The following HLCS variants were observed in gnomAD, a reference collection of about 807,000 sequenced individuals.
HLCS encodes holocarboxylase synthetase.
HLCS carries 53 observed loss-of-function variants against 75.0 expected under a neutral mutation model. That is an observed-to-expected ratio of 0.71 (90% CI 0.57 to 0.89). HLCS has a LOEUF of 0.89. HLCS is among the 40% of genes least tolerant of loss of function. The pLI, the probability that HLCS is intolerant of heterozygous loss-of-function variation, is 0.00. For synonymous variants in HLCS, 431 were observed against 428.6 expected (o/e 1.01, Z -0.07); for missense variants, 966 against 1,074.0 (o/e 0.90, Z 1.41).
intron 5 of HLCS, among the ~76,000 whole-genome samples, chr21:36,911,485 C>T (rs2065705428): frequency 6.6e-6 from 1 of 152,130 alleles, no homozygotes; most frequent in Admixed American, 6.5e-5. Context: ...TGGCTCATGC[C>T]CGTAATCTCA....
intron 1 of HLCS, among the ~76,000 whole-genome samples, chr21:36,987,341 A>G (rs73196100): frequency 0.26 from 39,640 of 152,198 alleles, 5,307 homozygotes; most frequent in South Asian, 0.35. Context: ...GGACAGGCGC[A>G]GTGGCTCACT....
chr21:36,968,120 G>A (rs1219573102), upstream of HLCS, among the ~76,000 whole-genome samples: 1 of 152,128 alleles, frequency 6.6e-6, no homozygotes, highest in Non-Finnish European at 1.5e-5. Flanking sequence ...CTGAGCTGAA[G>A]TGATCTTCCT....
intron 2 of HLCS, 131 bp from the exon 3 acceptor site, chr21:36,939,125 T>C (rs2067025767): frequency 1.5e-5 from 12 of 778,288 alleles, no homozygotes; most frequent in Non-Finnish European, 2.4e-5. Flanking sequence ...AACAAATTAC[T>C]GGATATTACA....
chr21:36,834,294 CCTT>C (rs2062325043), intron 6 of HLCS, among the ~76,000 whole-genome samples: 1 of 152,212 alleles, frequency 6.6e-6, no homozygotes, highest in Non-Finnish European at 1.5e-5. Context: ...AAGTGAACTT[CCTT>C]CTTTTCTCCT....
chr21:36,948,735 A>T (rs1164302829), intron 2 of HLCS, among the ~76,000 whole-genome samples: 2 of 124,492 alleles, frequency 1.6e-5, no homozygotes, highest in Non-Finnish European at 3.8e-5. Flanking sequence ...TCTCAAAAAA[A>T]AAAAAAAAAA....
chr21:36,965,861 C>T (rs1196546811), intron 1 of HLCS, among the ~76,000 whole-genome samples: 1 of 151,992 alleles, frequency 6.6e-6, no homozygotes, highest in East Asian at 1.9e-4. Context: ...AGTGACCCTC[C>T]CGCCTCACCC....
chr21:36,944,860 C>T (rs1288343429), intron 2 of HLCS, among the ~76,000 whole-genome samples: 3 of 152,122 alleles, frequency 2.0e-5, no homozygotes, highest in Admixed American at 6.5e-5. Flanking sequence ...CGGTGGCTCA[C>T]GCCTGTAATC....
chr21:36,934,619 T>C (rs963157503), intron 4 of HLCS, among the ~76,000 whole-genome samples: 1 of 152,186 alleles, frequency 6.6e-6, no homozygotes, highest in Admixed American at 6.5e-5. Context: ...TCTTTATTAT[T>C]ATGAATGGCA....
At chr21:36,785,533 T>C (rs1340116625) in intron 6 of HLCS, among the ~76,000 whole-genome samples, 1 of 152,224 alleles carries the variant, frequency 6.6e-6, no homozygotes, top group Non-Finnish European at 1.5e-5. Context: ...CAAGACATTT[T>C]ATATCCTGTT....
Position 36,765,141 on chromosome 21 carries a change from C to T in HLCS, c.1992G>A (p.Val664=), listed in dbSNP as rs182718241. ...TGAGCAGAGTAGAAAGAGCACATCC[C>T]ACAGGGCTCAGCCACACATTCCCTC... ...GRGGNVWLSP[V]GCALSTLLIS... is the part of the protein sequence containing the mutation. Residue 664 remains valine, a synonymous_variant, in exon 8 of 11, where the codon GTG becomes GTA. Transcript: ENST00000674895. The T allele has an allele frequency of 6.2e-7, 1 of 1,614,214 alleles. No homozygotes were observed. The highest frequency in any genetic ancestry group is 2.2e-5 in the East Asian group (1 of 44,886).
intron 6 of HLCS, among the ~76,000 whole-genome samples, chr21:36,872,197 C>T (rs975575279): frequency 2.6e-5 from 4 of 151,980 alleles, no homozygotes; most frequent in East Asian, 1.9e-4. Flanking sequence ...CTGAGGCGGG[C>T]GGATCACAAG....
chr21:36,884,744 CA>C (rs999928518), intron 6 of HLCS, among the ~76,000 whole-genome samples: 2 of 152,060 alleles, frequency 1.3e-5, no homozygotes, highest in Non-Finnish European at 2.9e-5. Flanking sequence ...AGGCATTTGA[CA>C]AAATGAATAT....
chr21:36,973,035 G>A (rs2068832259), intron 1 of HLCS, among the ~76,000 whole-genome samples: 1 of 150,858 alleles, frequency 6.6e-6, no homozygotes, highest in Admixed American at 6.7e-5. Flanking sequence ...GGGCAACACA[G>A]GGAAACCCCA....
intron 2 of HLCS, among the ~76,000 whole-genome samples, chr21:36,960,043 C>A (rs916578068): frequency 1.3e-5 from 2 of 151,964 alleles, no homozygotes. Flanking sequence ...CAGGTGCCAC[C>A]ATGTTCCCCT....
At chr21:36,877,083 G>A (rs1475346055) in intron 6 of HLCS, among the ~76,000 whole-genome samples, 2 of 152,198 alleles carry the variant, frequency 1.3e-5, no homozygotes, top group Non-Finnish European at 1.5e-5. Context: ...TCCTTAGGCT[G>A]TTAATGTGGT....
At chr21:36,811,863 C>T (rs567875724) in intron 6 of HLCS, among the ~76,000 whole-genome samples, 53 of 152,240 alleles carry the variant, frequency 3.5e-4, no homozygotes, top group Non-Finnish European at 5.1e-4. Context: ...GGGGCTGCAG[C>T]GGCTGCTGTG....
At chr21:36,826,951 A>G (rs2062026601) in intron 6 of HLCS, among the ~76,000 whole-genome samples, 1 of 152,210 alleles carries the variant, frequency 6.6e-6, no homozygotes, top group African/African-American at 2.4e-5. Context: ...GAGCCTGATT[A>G]TAGGCAAAAG....
intron 2 of HLCS, among the ~76,000 whole-genome samples, chr21:36,956,809 G>A (rs1218955022): frequency 6.6e-6 from 1 of 152,022 alleles, no homozygotes; most frequent in South Asian, 2.1e-4. Context: ...ACAGCACTTC[G>A]GGAGGCTGAG....
intron 5 of HLCS, among the ~76,000 whole-genome samples, chr21:36,909,227 C>T (rs1049471260): frequency 2.0e-5 from 3 of 152,054 alleles, no homozygotes; most frequent in Admixed American, 6.5e-5. Context: ...AGGAATCTTT[C>T]GGAATACTGG....
Sources: allele counts gnomAD v4.1 joint callset (sites outside exome capture counted in the v4.1 genomes callset), GRCh38; gene constraint gnomAD v4.1.1; transcripts MANE v1.5; gene names NCBI Gene and HGNC (gene_info 2026-07-23, HGNC 2026-07-21).